The following MGMT variants were observed in gnomAD, a reference collection of about 807,000 sequenced individuals.
The protein encoded by MGMT is methylated-DNA--protein-cysteine methyltransferase.
Under a neutral mutation model 15.9 loss-of-function variants are expected in MGMT, and 14 were observed. That is an observed-to-expected ratio of 0.88 (90% CI 0.58 to 1.37). The LOEUF is 1.37. MGMT is among the 40% of genes most tolerant of loss of function. MGMT has a pLI of 0.00. For missense variants in MGMT, 282 were observed against 268.1 expected, an observed-to-expected ratio of 1.05 and a Z score of -0.36; for synonymous variants, 130 against 118.2, an observed-to-expected ratio of 1.10 and a Z score of -0.65.
rs141519376 is a variant in MGMT, at chr10:129,563,579, A to G, written c.125+27202A>G. On this transcript the variant is annotated intron_variant, in intron 2 of 4. Transcript: ENST00000651593. ...TTTTAAAAAAAATCAAAAGACCTGGATGTGGTGTGAGCATGCGGAGCTCCC... is the reference window on the plus strand; with the variant it reads ...TTTTAAAAAAAATCAAAAGACCTGGGTGTGGTGTGAGCATGCGGAGCTCCC... Among the ~76,000 whole-genome samples, 265 of 152,170 alleles carry G rather than the reference A, an allele frequency of 1.7e-3. 1 individual carries two copies. Among genetic ancestry groups the G allele is most frequent in the Non-Finnish European group, 3.2e-3 (220 of 68,012 alleles).
intron 1 of MGMT, among the ~76,000 whole-genome samples, chr10:129,504,491 A>C (rs929360098): frequency 6.6e-6 from 1 of 152,236 alleles, no homozygotes; most frequent in Non-Finnish European, 1.5e-5. Context: ...GTTGCAGGAC[A>C]GTTGAAAGTG....
chr10:129,626,647 G>C (rs565014449), intron 2 of MGMT, among the ~76,000 whole-genome samples: 13 of 152,308 alleles, frequency 8.5e-5, no homozygotes, highest in Admixed American at 7.8e-4. Flanking sequence ...CGTGCTCTCC[G>C]TGGAAATCTA....
intron 2 of MGMT, among the ~76,000 whole-genome samples, chr10:129,568,381 CTCACTCAGGA>C (rs1846379314): frequency 6.6e-6 from 1 of 152,172 alleles, no homozygotes. Flanking sequence ...GTCAGGAGCC[CTCACTCAGGA>C]AGCCCTGCAC....
At chr10:129,718,930 G>T (rs944817606) in intron 3 of MGMT, among the ~76,000 whole-genome samples, 1 of 151,860 alleles carries the variant, frequency 6.6e-6, no homozygotes, top group African/African-American at 2.4e-5. Flanking sequence ...TGCCCGCTCA[G>T]GTGCATCACC....
At chr10:129,687,468 G>C (rs989147734) in intron 2 of MGMT, among the ~76,000 whole-genome samples, 2 of 152,182 alleles carry the variant, frequency 1.3e-5, no homozygotes, top group African/African-American at 4.8e-5. Context: ...ACCCAGAAGA[G>C]GGTTGCTGTT....
intron 1 of MGMT, among the ~76,000 whole-genome samples, chr10:129,468,064 C>CGG (rs1845189765): frequency 9.3e-6 from 1 of 107,324 alleles, no homozygotes; most frequent in African/African-American, 4.8e-5. Context: ...CGGCTTGGTC[C>CGG]AGAGAGCTGT....
chr10:129,487,333 C>T (rs1164706284), intron 1 of MGMT, among the ~76,000 whole-genome samples: 1 of 152,016 alleles, frequency 6.6e-6, no homozygotes, highest in African/African-American at 2.4e-5. Context: ...AAACTTGTTC[C>T]AGTGACATCA....
intron 2 of MGMT, among the ~76,000 whole-genome samples, chr10:129,651,071 C>T (rs556683405): frequency 6.6e-5 from 10 of 152,148 alleles, no homozygotes; most frequent in Admixed American, 2.6e-4. Context: ...GGCTGTACCC[C>T]GTACCTCTGT....
chr10:129,760,369 T>C (rs1039161472), intron 4 of MGMT, among the ~76,000 whole-genome samples: 7 of 152,204 alleles, frequency 4.6e-5, no homozygotes, highest in African/African-American at 1.4e-4. Context: ...GTTGGCAGTG[T>C]CTTCTCCCGA....
At chr10:129,507,886 C>T (rs746202573) in intron 1 of MGMT, among the ~76,000 whole-genome samples, 2 of 152,088 alleles carry the variant, frequency 1.3e-5, no homozygotes, top group Non-Finnish European at 2.9e-5. Context: ...GCAAACAAGC[C>T]GAAAGCTTTT....
Position 129,467,247 on chromosome 10 carries a change from T to G in MGMT, c.-62T>G. ...GGACAGCCCGCGCCCCTAGAACGCT[T>G]TGCGTCCCGACGCCCGCAGGTCCTC... is the stretch of plus-strand genomic sequence containing the variant. On this transcript the variant is annotated 5_prime_UTR_variant, in exon 1 of 5. Transcript: ENST00000651593. 1 of 1,544,108 alleles carries G rather than the reference T, an allele frequency of 6.5e-7. No homozygotes were observed. The highest frequency in any genetic ancestry group is 8.7e-7 in the Non-Finnish European group (1 of 1,145,594).
At chr10:129,594,737 G>A (rs1846730511) in intron 2 of MGMT, among the ~76,000 whole-genome samples, 1 of 152,212 alleles carries the variant, frequency 6.6e-6, no homozygotes, top group Non-Finnish European at 1.5e-5. Flanking sequence ...TCTGGCTGAA[G>A]AAATCTCTCT....
At chr10:129,640,240 G>A (rs7919195) in intron 2 of MGMT, among the ~76,000 whole-genome samples, 1,772 of 152,008 alleles carry the variant, frequency 0.012, 44 homozygotes, top group African/African-American at 0.042. Flanking sequence ...TGGGACTACA[G>A]GTGAGCACCA....
intron 2 of MGMT, among the ~76,000 whole-genome samples, chr10:129,632,366 G>A (rs1847219543): frequency 6.6e-6 from 1 of 152,184 alleles, no homozygotes; most frequent in Non-Finnish European, 1.5e-5. Flanking sequence ...TAGCACAAGT[G>A]CTCCATGAGG....
chr10:129,646,452 C>T (rs1847389598), intron 2 of MGMT, among the ~76,000 whole-genome samples: 1 of 151,866 alleles, frequency 6.6e-6, no homozygotes, highest in East Asian at 1.9e-4. Context: ...AAATAAAAGA[C>T]CTTTTATCCC....
Position 129,601,365 on chromosome 10 carries a change from C to G in MGMT, c.125+64988C>G, listed in dbSNP as rs544942140. ...GCAACTGGGTGGGGTTTCTTTATGT[C>G]TTCTGTTTAATCAGAGTTTCCTGAT... On this transcript the variant is annotated intron_variant, in intron 2 of 4. Coordinates refer to ENST00000651593, the MANE Select transcript of MGMT (RefSeq NM_002412.5). 7.9e-5 allele frequency among the ~76,000 whole-genome samples: 12 copies of G among 152,266 alleles called. No homozygotes were observed. In the South Asian group the frequency reaches 2.1e-3, roughly 26 times the overall value.
intron 2 of MGMT, among the ~76,000 whole-genome samples, chr10:129,560,428 A>G (rs1846263433): frequency 6.6e-6 from 1 of 152,224 alleles, no homozygotes; most frequent in African/African-American, 2.4e-5. Context: ...GAATGAATGG[A>G]CATTTCCTAT....
intron 3 of MGMT, among the ~76,000 whole-genome samples, chr10:129,732,261 C>T (rs975899225): frequency 2.6e-5 from 4 of 152,114 alleles, no homozygotes; most frequent in Middle Eastern, 3.4e-3. Flanking sequence ...CCCATCTATT[C>T]GTCATTTATA....
At chr10:129,689,823 C>T (rs1212780437) in intron 2 of MGMT, among the ~76,000 whole-genome samples, 1 of 152,174 alleles carries the variant, frequency 6.6e-6, no homozygotes, top group Non-Finnish European at 1.5e-5. Context: ...TCATTGGCTT[C>T]CCAGTGCTTT....
Sources: allele counts gnomAD v4.1 joint callset (sites outside exome capture counted in the v4.1 genomes callset), GRCh38; gene constraint gnomAD v4.1.1; transcripts MANE v1.5; gene names NCBI Gene and HGNC (gene_info 2026-07-23, HGNC 2026-07-21).